The following GCNT4 variants were observed in gnomAD, a reference collection of about 807,000 sequenced individuals.
GCNT4 encodes glucosaminyl (N-acetyl) transferase 4, also known as beta-1,3-galactosyl-O-glycosyl-glycoprotein beta-1,6-N-acetylglucosaminyltransferase 4.
A neutral mutation model predicts 31.3 loss-of-function variants in GCNT4; 17 were observed. The ratio of observed to expected loss-of-function variants is 0.54; its 90% CI spans 0.37 to 0.81. GCNT4 has a LOEUF of 0.81. GCNT4 is among the 40% of genes least tolerant of loss of function. The probability of loss-of-function intolerance (pLI) is 0.00; values close to 1 mark genes in which losing one functional copy is unlikely to be tolerated. For synonymous variants in GCNT4, 158 were observed against 190.6 expected (o/e 0.83, Z 1.41); for missense variants, 503 against 525.5 (o/e 0.96, Z 0.42).
chr5:75,049,164 C>A (rs1343629944), intron 2 of GCNT4, among the ~76,000 whole-genome samples: 3 of 152,168 alleles, frequency 2.0e-5, no homozygotes, highest in Non-Finnish European at 1.5e-5. Flanking sequence ...CATTTCATAT[C>A]GCTTAGCAGA....
intron 3 of GCNT4, 192 bp from the exon 4 acceptor site, chr5:75,030,230 A>T (rs1331541819): frequency 5.1e-6 from 3 of 589,580 alleles, no homozygotes; most frequent in Non-Finnish European, 6.0e-6. Flanking sequence ...ATTTTGGGGT[A>T]TTCTGTGTTA....
downstream of GCNT4, among the ~76,000 whole-genome samples, chr5:75,020,479 G>A (rs989044727): frequency 1.3e-4 from 20 of 152,154 alleles, no homozygotes; most frequent in Admixed American, 6.5e-5. Context: ...GCATGGGAGT[G>A]GCAGGAGCCA....
chr5:75,033,986 T>C lies in GCNT4; in HGVS notation c.-1-3948A>G, dbSNP rs536019496. ...TTTGCTGAGAATGATGGCTTCCCAC[T>C]TCATCCATGTTCCTGCAAAGGACAT... On this transcript the variant is annotated intron_variant, in intron 3 of 3. Transcript: ENST00000652361. Among the ~76,000 whole-genome samples the C allele has an allele frequency of 1.4e-4, 22 of 152,320 alleles. No homozygotes were observed. In the East Asian group the frequency reaches 3.3e-3, roughly 23 times the overall value.
At chr5:75,047,509 G>T (rs1743467866) in intron 3 of GCNT4, among the ~76,000 whole-genome samples, 1 of 152,140 alleles carries the variant, frequency 6.6e-6, no homozygotes, top group Non-Finnish European at 1.5e-5. Flanking sequence ...GTGGGGTTTT[G>T]GGGGAGGCTT....
At chr5:75,044,417 G>A (rs1299878860) in intron 3 of GCNT4, among the ~76,000 whole-genome samples, 1 of 150,702 alleles carries the variant, frequency 6.6e-6, no homozygotes, top group African/African-American at 2.4e-5. Flanking sequence ...CTGAACTGAA[G>A]TCCTGAGTCT....
intron 3 of GCNT4, 141 bp downstream of exon 3, chr5:75,047,756 T>A (rs1743475532): frequency 6.6e-6 from 1 of 152,026 alleles, no homozygotes; most frequent in Non-Finnish European, 1.5e-5. Context: ...AAATCTAGAC[T>A]TTAGCACAAA....
chr5:75,043,156 T>C (rs1743357169), intron 3 of GCNT4, among the ~76,000 whole-genome samples: 1 of 152,270 alleles, frequency 6.6e-6, no homozygotes, highest in Non-Finnish European at 1.5e-5. Context: ...AAAGATTGTT[T>C]AGTTTACTAA....
At chr5:75,050,398 T>C (rs1411905384) in intron 2 of GCNT4, among the ~76,000 whole-genome samples, 2 of 152,120 alleles carry the variant, frequency 1.3e-5, no homozygotes, top group East Asian at 3.9e-4. Flanking sequence ...CATTCACATA[T>C]GTCTAAGGCT....
upstream of GCNT4, among the ~76,000 whole-genome samples, chr5:75,053,001 C>G (rs111723833): frequency 0.02 from 2,997 of 152,070 alleles, 93 homozygotes; most frequent in African/African-American, 0.067. Flanking sequence ...CGGGAAAGCC[C>G]GGCGCCGGCG....
chr5:75,017,078 G>A, the GCNT4 span, among the ~76,000 whole-genome samples: 1 of 152,210 alleles, frequency 6.6e-6, no homozygotes, highest in Admixed American at 6.5e-5. Flanking sequence ...CTGGAGGAGA[G>A]GGAGCCAGTC....
chr5:75,035,755 C>T (rs1053356236), intron 3 of GCNT4, among the ~76,000 whole-genome samples: 2 of 152,056 alleles, frequency 1.3e-5, no homozygotes, highest in East Asian at 1.9e-4. Context: ...ATGGGCAGGC[C>T]GCCATCTTTG....
At chr5:75,044,963 T>C (rs573054227) in intron 3 of GCNT4, among the ~76,000 whole-genome samples, 42 of 152,358 alleles carry the variant, frequency 2.8e-4, no homozygotes, top group African/African-American at 3.8e-4. Flanking sequence ...ACAGTTTTAG[T>C]AGCACAGTTT....
In GCNT4 at chr5:75,028,514, A is replaced by G. The variant is rs1742994324; in HGVS notation, c.*162T>C. On this transcript the variant is annotated 3_prime_UTR_variant, in exon 4 of 4. Coordinates refer to ENST00000652361, the MANE Select transcript of GCNT4 (RefSeq NM_001366737.1). ...AAAAAACCTAGCCAACTGCAGGCTA[A>G]TAACATCAAAGGCTAGATCACTTTC... 1.5e-6 allele frequency: 1 copy of G among 652,524 alleles called. No individual in the cohort carries two copies. Among genetic ancestry groups the G allele is most frequent in the Non-Finnish European group, 2.5e-6 (1 of 402,526 alleles). 40.4% of individuals were successfully genotyped at this position (652,524 alleles called of 1,614,324 possible).
chr5:75,051,611 A>C (rs543088426), intron 2 of GCNT4, among the ~76,000 whole-genome samples: 2 of 152,248 alleles, frequency 1.3e-5, no homozygotes, highest in South Asian at 4.1e-4. Flanking sequence ...CCTAGAAAAC[A>C]ACCATAGGTC....
chr5:75,049,056 A>G (rs1011172373), intron 2 of GCNT4, among the ~76,000 whole-genome samples: 1 of 152,220 alleles, frequency 6.6e-6, no homozygotes, highest in Non-Finnish European at 1.5e-5. Flanking sequence ...CTAAGATTCC[A>G]CTAAGACCCG....
At chr5:75,043,743 C>A (rs1018691813) in intron 3 of GCNT4, among the ~76,000 whole-genome samples, 2 of 152,162 alleles carry the variant, frequency 1.3e-5, no homozygotes, top group African/African-American at 4.8e-5. Context: ...TATGTTTAAG[C>A]AACGTGCACT....
intron 3 of GCNT4, among the ~76,000 whole-genome samples, chr5:75,039,281 C>A (rs756892837): frequency 2.0e-5 from 3 of 151,938 alleles, no homozygotes; most frequent in Non-Finnish European, 4.4e-5. Flanking sequence ...TTAGTCGAGA[C>A]GGGGGTTTCA....
chr5:75,038,656 G>C (rs190227448), intron 3 of GCNT4, among the ~76,000 whole-genome samples: 4 of 152,174 alleles, frequency 2.6e-5, no homozygotes, highest in African/African-American at 4.8e-5. Flanking sequence ...ACGGGCAAAG[G>C]GGGGGAGAGG....
chr5:75,051,467 T>C (rs573115322), intron 2 of GCNT4, among the ~76,000 whole-genome samples: 8 of 151,336 alleles, frequency 5.3e-5, no homozygotes, highest in Admixed American at 1.3e-4. Context: ...TGACTCCGTT[T>C]TACCTCTCCT....
Sources: gnomAD v4.1 joint callset for allele counts (sites outside exome capture counted in the v4.1 genomes callset) on GRCh38, gnomAD v4.1.1 for gene constraint, MANE v1.5 for transcripts, NCBI Gene and HGNC (gene_info 2026-07-23, HGNC 2026-07-21) for gene names.